Variants in TOPAZ1 observed in about 807,000 individuals in gnomAD.
TOPAZ1 encodes the protein testis and ovary specific TOPAZ 1.
TOPAZ1 carries 66 observed loss-of-function variants against 172.2 expected under a neutral mutation model. The observed-to-expected ratio is 0.38, with a 90% CI of 0.31 to 0.47. The LOEUF is 0.47. Among genes scored for constraint, TOPAZ1 ranks in the 20% least tolerant of loss-of-function variants. TOPAZ1 has a pLI of 0.99. For missense variants in TOPAZ1, 1,822 were observed against 1,972.4 expected, an observed-to-expected ratio of 0.92 and a Z score of 1.44; for synonymous variants, 681 against 683.9, an observed-to-expected ratio of 1.00 and a Z score of 0.07.
chr3:44,243,629 A>G lies in TOPAZ1; in HGVS notation c.1123A>G (p.Lys375Glu), dbSNP rs906021546. Reference sequence around the variant, plus strand: ...TGCTGATGGTAAAGAAGCAGAGACTAAAAGTCCTTTAAATGTTTTGAGAAA... The same window carrying G: ...TGCTGATGGTAAAGAAGCAGAGACTGAAAGTCCTTTAAATGTTTTGAGAAA... Reference protein sequence around the residue: ...MIADGKEAETKSPLNVLRKVS... With the variant: ...MIADGKEAETESPLNVLRKVS... The change falls in exon 2 of 20, where the codon AAA (lysine) becomes GAA (glutamate). Residue 375 changes from lysine to glutamate, a missense_variant. Physicochemically the swap from Lys to Glu is moderately conservative, Grantham distance 56 (BLOSUM62 1). Transcript: ENST00000309765. 2.6e-6 allele frequency: 4 copies of G among 1,550,020 alleles called. No individual in the cohort carries two copies.
rs753046514 is a variant in TOPAZ1, at chr3:44,244,881, T to G, written c.2375T>G (p.Ile792Ser). ...PSNHVSEPGN[I>S]VSNKEVASLT... The stretch of plus-strand genomic sequence containing the variant: ...AATCACGTCTCTGAACCAGGCAATA[T>G]TGTTTCTAATAAAGAAGTTGCTTCT... The change falls in exon 2 of 20, where the codon ATT becomes AGT. Residue 792 changes from isoleucine (I) to serine (S), a missense_variant. By Grantham distance (142) the Ile-to-Ser change is moderately radical. Coordinates refer to ENST00000309765, the MANE Select transcript of TOPAZ1 (RefSeq NM_001145030.2). The G allele has an allele frequency of 6.4e-7, 1 of 1,551,750 alleles. No homozygotes were observed. The highest frequency in any genetic ancestry group is 1.2e-5 in the South Asian group (1 of 84,056).
At chr3:44,252,151 A>G (rs908821636) in intron 2 of TOPAZ1, among the ~76,000 whole-genome samples, 4 of 152,176 alleles carry the variant, frequency 2.6e-5, no homozygotes, top group Non-Finnish European at 5.9e-5. Flanking sequence ...AATACTTGGA[A>G]ATTAAGCTAA....
chr3:44,330,425 G>A (rs1377566803), intron 19 of TOPAZ1, among the ~76,000 whole-genome samples: 1 of 152,116 alleles, frequency 6.6e-6, no homozygotes, highest in Non-Finnish European at 1.5e-5. Context: ...TCATTATCAT[G>A]CTAAGCCCTG....
intron 11 of TOPAZ1, 78 bp downstream of exon 11, chr3:44,287,917 G>A (rs1700097308): frequency 2.9e-6 from 2 of 685,336 alleles, no homozygotes; most frequent in African/African-American, 3.8e-5. Flanking sequence ...GGGTACCCTT[G>A]AGCTGCCTTT....
chr3:44,330,313 T>A (rs1700653354), intron 19 of TOPAZ1, among the ~76,000 whole-genome samples: 1 of 152,130 alleles, frequency 6.6e-6, no homozygotes, highest in African/African-American at 2.4e-5. Context: ...TGCAACTTCT[T>A]TGTTTACTTA....
In TOPAZ1 at chr3:44,256,207, A is replaced by G. The variant is rs1248640216; in HGVS notation, c.2884A>G (p.Asn962Asp). Residue 962 changes from asparagine to aspartate, a missense_variant, in exon 4 of 20, where the codon AAT becomes GAT. Asn to Asp is a conservative substitution (Grantham distance 23, BLOSUM62 1). Coordinates refer to ENST00000309765, the MANE Select transcript of TOPAZ1 (RefSeq NM_001145030.2). ...DVNTSLGEVA[N>D]ETSENETLGD... ...AAACACTTCCTTAGGAGAAGTTGCT[A>G]ATGAGACCTCTGAAAATGAAACACT... 2.6e-6 allele frequency: 4 copies of G among 1,533,580 alleles called. No homozygotes were observed. Among genetic ancestry groups the G allele is most frequent in the Non-Finnish European group, 2.6e-6 (3 of 1,141,948 alleles). The allele number at this position is 1,533,580 out of a possible 1,614,324, so 95.0% of individuals were successfully genotyped here. A position where few individuals can be genotyped will look rare whatever the true frequency, so the allele number is the denominator to read the frequency against.
intron 12 of TOPAZ1, among the ~76,000 whole-genome samples, chr3:44,296,847 CAAAAAAA>C (rs141080618): frequency 3.8e-5 from 4 of 104,776 alleles, no homozygotes; most frequent in Non-Finnish European, 5.4e-5. Flanking sequence ...CAGAGAATAC[CAAAAAAA>C]AAAAAAAAAA....
chr3:44,255,033 A>G lies in TOPAZ1; in HGVS notation c.2827+4A>G. On this transcript the variant is annotated splice_donor_region_variant and intron_variant, in intron 3 of 19. Transcript: ENST00000309765. ...ATCTGTGCTTCCAACTCAGCAGGTA[A>G]AAGTTGACATTTTCAGAATATGCAA... The G allele has an allele frequency of 1.3e-6, 2 of 1,550,042 alleles. No individual in the cohort carries two copies. The highest frequency in any genetic ancestry group is 2.4e-5 in the East Asian group (1 of 40,898).
At chr3:44,282,584 G>A (rs1700035224) in intron 9 of TOPAZ1, among the ~76,000 whole-genome samples, 1 of 152,024 alleles carries the variant, frequency 6.6e-6, no homozygotes, top group South Asian at 2.1e-4. Flanking sequence ...CCTCTATTAG[G>A]CCCTTATCTG....
At chr3:44,299,712 A>T (rs1243438512) in intron 12 of TOPAZ1, among the ~76,000 whole-genome samples, 1 of 151,498 alleles carries the variant, frequency 6.6e-6, no homozygotes, top group African/African-American at 2.4e-5. Context: ...CAAATGTCCA[A>T]CAATGATAGA....
intron 4 of TOPAZ1, among the ~76,000 whole-genome samples, chr3:44,257,442 G>A (rs1699725203): frequency 7.5e-6 from 1 of 133,690 alleles, no homozygotes; most frequent in Middle Eastern, 3.8e-3. Context: ...TATAAAATGT[G>A]TGTGTATCTA....
chr3:44,256,965 C>A (rs1050318696), intron 4 of TOPAZ1, among the ~76,000 whole-genome samples: 1 of 152,076 alleles, frequency 6.6e-6, no homozygotes, highest in Admixed American at 6.6e-5. Flanking sequence ...TGATCTTTTA[C>A]TTCCACTATA....
intron 18 of TOPAZ1, among the ~76,000 whole-genome samples, chr3:44,327,029 AC>A (rs1700608067): frequency 6.6e-6 from 1 of 152,230 alleles, no homozygotes; most frequent in Non-Finnish European, 1.5e-5. Context: ...AGGTGGGAAT[AC>A]CTAGTGGTTA....
chr3:44,333,730 A>G (rs1418193093), downstream of TOPAZ1, among the ~76,000 whole-genome samples: 1 of 152,230 alleles, frequency 6.6e-6, no homozygotes, highest in Non-Finnish European at 1.5e-5. Flanking sequence ...AGTGTTAATC[A>G]TTGCTGGGTG....
intron 1 of TOPAZ1, 70 bp downstream of exon 1, chr3:44,242,469 C>A: frequency 6.9e-7 from 1 of 1,452,656 alleles, no homozygotes; most frequent in Non-Finnish European, 9.4e-7. Context: ...TGTTTTACCA[C>A]TAGTCTTTAA....
At chr3:44,289,370 G>A (rs184711254) in intron 11 of TOPAZ1, among the ~76,000 whole-genome samples, 1 of 152,242 alleles carries the variant, frequency 6.6e-6, no homozygotes, top group African/African-American at 2.4e-5. Context: ...GAGAGGAGCT[G>A]TTTTCCTCTT....
chr3:44,327,542 C>T (rs1700613530), intron 18 of TOPAZ1, among the ~76,000 whole-genome samples: 1 of 152,072 alleles, frequency 6.6e-6, no homozygotes, highest in Non-Finnish European at 1.5e-5. Context: ...GTATTTTATG[C>T]CTAGTACTTA....
chr3:44,281,832 A>T, intron 8 of TOPAZ1, 136 bp from the exon 9 acceptor site: 1 of 562,776 alleles, frequency 1.8e-6, no homozygotes, highest in Non-Finnish European at 3.1e-6. Context: ...GAGTTAACCA[A>T]ACATCAGCTT....
rs1264601279 is a variant in TOPAZ1 at position 44,244,756 on chromosome 3, T to G, written c.2250T>G (p.Ser750Arg). ...LGPQTLSIRN[S>R]VTPVQASSDS... ...CTCAAACTTTGAGCATACGAAATAGTGTAACTCCAGTGCAAGCTAGTTCTG... is the reference window on the plus strand; with the variant it reads ...CTCAAACTTTGAGCATACGAAATAGGGTAACTCCAGTGCAAGCTAGTTCTG... The change falls in exon 2 of 20, where the codon AGT (serine) becomes AGG (arginine). Residue 750 changes from serine to arginine, a missense_variant. Physicochemically the swap from Ser to Arg is moderately radical, Grantham distance 110. Coordinates refer to ENST00000309765, the MANE Select transcript of TOPAZ1 (RefSeq NM_001145030.2). 3.2e-6 allele frequency: 5 copies of G among 1,551,544 alleles called. No individual in the cohort carries two copies. Among genetic ancestry groups the G allele is most frequent in the Non-Finnish European group, 4.4e-6 (5 of 1,146,960 alleles).
Sources: gnomAD v4.1 joint callset for allele counts (sites outside exome capture counted in the v4.1 genomes callset) on GRCh38, gnomAD v4.1.1 for gene constraint, MANE v1.5 for transcripts, NCBI Gene and HGNC (gene_info 2026-07-23, HGNC 2026-07-21) for gene names.